ALK: variants seen among roughly 807,000 people sequenced by gnomAD.
The protein encoded by ALK is ALK receptor tyrosine kinase.
A neutral mutation model predicts 163.1 loss-of-function variants in ALK; 74 were observed. The ratio of observed to expected loss-of-function variants is 0.45; its 90% CI spans 0.38 to 0.55. ALK has a LOEUF of 0.55. ALK is among the 20% of genes least tolerant of loss of function. The probability of loss-of-function intolerance (pLI) is 0.00; values close to 1 mark genes in which losing one functional copy is unlikely to be tolerated. For missense variants in ALK, 2,063 were observed against 2,105.3 expected (o/e 0.98, Z 0.39); for synonymous variants, 960 against 843.2 (o/e 1.14, Z -2.40).
At chr2:29,682,375 C>CT (rs1350446991) in intron 3 of ALK, among the ~76,000 whole-genome samples, 8 of 152,098 alleles carry the variant, frequency 5.3e-5, no homozygotes, top group East Asian at 1.9e-4. Flanking sequence ...TTTGATGACT[C>CT]TTTTTTTTAT....
intron 6 of ALK, among the ~76,000 whole-genome samples, chr2:29,322,125 G>A (rs1032443564): frequency 1.3e-5 from 2 of 152,344 alleles, no homozygotes; most frequent in South Asian, 2.1e-4. Flanking sequence ...CTCCATGTGG[G>A]AGGAAAGAAG....
rs56116528 is a variant in ALK, at chr2:29,694,956, G to A, written c.846C>T (p.Asp282=). The A allele has an allele frequency of 4.0e-5, 65 of 1,614,142 alleles. 1 individual carries two copies. The East Asian group carries it at 1.3e-3, about 32-fold the overall frequency. Residue 282 remains aspartate, a synonymous_variant, in exon 3 of 29, where the codon GAC becomes GAT. Coordinates refer to ENST00000389048, the MANE Select transcript of ALK (RefSeq NM_004304.5). ...GCCAGGACCAGCTCTGGTTCCTGAG[G>A]TCATGCAGTGGAGGGGAATACTCCA... ...CELEYSPPLH[D]LRNQSWSWRR...
chr2:29,831,269 G>GAAGAAT lies in ALK; in HGVS notation c.667+88723_667+88724insATTCTT, dbSNP rs1558509122. Among the ~76,000 whole-genome samples the GAAGAAT allele has an allele frequency of 1.3e-3, 127 of 95,446 alleles. 24 individuals carry two copies. The highest frequency in any genetic ancestry group is 4.4e-3 in the African/African-American group (123 of 27,896). The allele number at this position is 95,446 out of a possible 152,430, so 62.6% of individuals were successfully genotyped here. ...AGAGGAAGAGGAAGAGGAAGAAGAA[G>GAAGAAT]AAGAAGAAGAAGAAGAAGAAGAAGA... On this transcript the variant is annotated intron_variant, in intron 1 of 28. Transcript: ENST00000389048.
At chr2:29,402,414 G>A (rs1311563848) in intron 4 of ALK, among the ~76,000 whole-genome samples, 1 of 152,236 alleles carries the variant, frequency 6.6e-6, no homozygotes, top group Non-Finnish European at 1.5e-5. Context: ...ATGGTCTGGA[G>A]ATCCCAACTC....
chr2:29,878,729 A>T (rs1666783586), intron 1 of ALK, among the ~76,000 whole-genome samples: 1 of 152,182 alleles, frequency 6.6e-6, no homozygotes, highest in African/African-American at 2.4e-5. Context: ...ACTCTAAGGA[A>T]TGGAGGTTCA....
intron 1 of ALK, among the ~76,000 whole-genome samples, chr2:29,733,450 C>G (rs1679802975): frequency 6.6e-6 from 1 of 152,188 alleles, no homozygotes; most frequent in Admixed American, 6.5e-5. Context: ...GGCCTGAACT[C>G]AACTCACAGT....
At chr2:29,540,397 T>C (rs1342000639) in intron 3 of ALK, among the ~76,000 whole-genome samples, 1 of 152,122 alleles carries the variant, frequency 6.6e-6, no homozygotes, top group Non-Finnish European at 1.5e-5. Flanking sequence ...TAATCTTAGA[T>C]TCCTTGTAAA....
At chr2:29,409,698 G>A (rs535718859) in intron 4 of ALK, among the ~76,000 whole-genome samples, 12 of 152,236 alleles carry the variant, frequency 7.9e-5, no homozygotes, top group Admixed American at 2.6e-4. Context: ...ACCTGGGACC[G>A]TGGTGCAGTA....
chr2:29,663,552 T>A (rs1677416630), intron 3 of ALK, among the ~76,000 whole-genome samples: 1 of 152,168 alleles, frequency 6.6e-6, no homozygotes, highest in South Asian at 2.1e-4. Context: ...TAGAGTTTAA[T>A]CTCATGGGGA....
At chr2:29,543,004 C>A (rs1376525932) in intron 3 of ALK, among the ~76,000 whole-genome samples, 1 of 151,682 alleles carries the variant, frequency 6.6e-6, no homozygotes, top group African/African-American at 2.4e-5. Context: ...CTGGGGTCAG[C>A]TTTTTTTATA....
At chr2:29,711,584 G>A (rs1487631136) in intron 2 of ALK, among the ~76,000 whole-genome samples, 1 of 151,982 alleles carries the variant, frequency 6.6e-6, no homozygotes, top group Non-Finnish European at 1.5e-5. Flanking sequence ...CCCATTCTCT[G>A]TGTTGGTGGA....
At chr2:29,827,684 G>A (rs1665240451) in intron 1 of ALK, among the ~76,000 whole-genome samples, 1 of 151,934 alleles carries the variant, frequency 6.6e-6, no homozygotes, top group Non-Finnish European at 1.5e-5. Flanking sequence ...AGATGAAGAT[G>A]GAACATTCCA....
chr2:29,226,663 G>A (rs1664004820), intron 18 of ALK, among the ~76,000 whole-genome samples: 2 of 152,132 alleles, frequency 1.3e-5, no homozygotes, highest in African/African-American at 4.8e-5. Flanking sequence ...CACTGGGCAT[G>A]TTTAAGTGGA....
intron 5 of ALK, among the ~76,000 whole-genome samples, chr2:29,346,383 C>A (rs1185139011): frequency 6.6e-6 from 1 of 152,234 alleles, no homozygotes; most frequent in Non-Finnish European, 1.5e-5. Flanking sequence ...CTGACCCACT[C>A]CCTACAGCAT....
At chr2:29,803,229 T>C (rs545578441) in intron 1 of ALK, among the ~76,000 whole-genome samples, 6 of 152,196 alleles carry the variant, frequency 3.9e-5, no homozygotes, top group Non-Finnish European at 5.9e-5. Context: ...CTGTCATTGC[T>C]GCAACTCCAT....
chr2:29,891,733 T>C (rs1667153156), intron 1 of ALK, among the ~76,000 whole-genome samples: 1 of 152,142 alleles, frequency 6.6e-6, no homozygotes, highest in South Asian at 2.1e-4. Flanking sequence ...AGTTCACACT[T>C]CCCTGGGACC....
intron 8 of ALK, among the ~76,000 whole-genome samples, chr2:29,308,123 A>G (rs1207741812): frequency 6.6e-6 from 1 of 152,082 alleles, no homozygotes; most frequent in Non-Finnish European, 1.5e-5. Context: ...TAACTAGAAC[A>G]AAAACAATGA....
intron 1 of ALK, among the ~76,000 whole-genome samples, chr2:29,837,304 G>C (rs984820762): frequency 2.0e-5 from 3 of 152,172 alleles, no homozygotes; most frequent in African/African-American, 7.2e-5. Flanking sequence ...GAGATATTGG[G>C]ATTTGGAGCT....
chr2:29,428,013 C>T (rs1412766500), intron 4 of ALK, among the ~76,000 whole-genome samples: 1 of 151,978 alleles, frequency 6.6e-6, no homozygotes, highest in Non-Finnish European at 1.5e-5. Flanking sequence ...TTAAACAACA[C>T]TCTTCTAAAT....
Sources: allele counts gnomAD v4.1 joint callset (sites outside exome capture counted in the v4.1 genomes callset), GRCh38; gene constraint gnomAD v4.1.1; transcripts MANE v1.5; gene names NCBI Gene and HGNC (gene_info 2026-07-23, HGNC 2026-07-21).